Variants in RARB observed in about 807,000 individuals in gnomAD.
The protein encoded by RARB is retinoic acid receptor beta.
A neutral mutation model predicts 51.9 loss-of-function variants in RARB; 17 were observed. The ratio of observed to expected loss-of-function variants is 0.33; its 90% CI spans 0.22 to 0.49. The LOEUF is 0.49. RARB is among the 20% of genes least tolerant of loss of function. The pLI is 0.99. For missense variants in RARB, 369 were observed against 550.8 expected (o/e 0.67, Z 3.30); for synonymous variants, 215 against 195.4 (o/e 1.10, Z -0.84).
chr3:25,179,433 G>T (rs1700819661), intron 5 of RARB, among the ~76,000 whole-genome samples: 1 of 152,094 alleles, frequency 6.6e-6, no homozygotes, highest in African/African-American at 2.4e-5. Flanking sequence ...GACTCTACTG[G>T]ACAGGAATCA....
At chr3:25,031,923 A>G (rs1697884974) in intron 2 of RARB, among the ~76,000 whole-genome samples, 1 of 152,216 alleles carries the variant, frequency 6.6e-6, no homozygotes. Context: ...AAAATACATT[A>G]AGAAAGTTCA....
At chr3:24,935,842 G>A (rs1259448422) in intron 2 of RARB, among the ~76,000 whole-genome samples, 2 of 152,036 alleles carry the variant, frequency 1.3e-5, no homozygotes, top group African/African-American at 4.8e-5. Flanking sequence ...TATTTTTATT[G>A]CAGGCCTGTT....
chr3:25,287,203 T>C (rs572978054), intron 5 of RARB, among the ~76,000 whole-genome samples: 1 of 152,358 alleles, frequency 6.6e-6, no homozygotes, highest in African/African-American at 2.4e-5. Flanking sequence ...ATGGTGCTTG[T>C]CTTGAACTCT....
At chr3:25,419,006 G>T (rs187821256) in intron 5 of RARB, among the ~76,000 whole-genome samples, 1 of 150,482 alleles carries the variant, frequency 6.6e-6, no homozygotes, top group Non-Finnish European at 1.5e-5. Flanking sequence ...ACAAGAGCCC[G>T]TAGAAATGAA....
chr3:25,344,278 GT>G (rs1356786261), intron 5 of RARB, among the ~76,000 whole-genome samples: 1 of 152,026 alleles, frequency 6.6e-6, no homozygotes, highest in African/African-American at 2.4e-5. Context: ...TTGGTGCTTT[GT>G]TTTTTTAAAA....
intron 5 of RARB, among the ~76,000 whole-genome samples, chr3:25,219,280 G>A (rs1354289918): frequency 6.6e-6 from 1 of 151,228 alleles, no homozygotes; most frequent in East Asian, 1.9e-4. Context: ...AAAAAAATAT[G>A]TATCCATACA....
At chr3:25,464,430 A>G (rs1352968087) in intron 2 of RARB, among the ~76,000 whole-genome samples, 2 of 152,206 alleles carry the variant, frequency 1.3e-5, no homozygotes, top group African/African-American at 4.8e-5. Flanking sequence ...ATTATGGTGT[A>G]TCTTTTTAAC....
chr3:25,309,486 CTTTTTTTTTTTTT>C (rs149976069), intron 5 of RARB, among the ~76,000 whole-genome samples: 13 of 58,046 alleles, frequency 2.2e-4, no homozygotes, highest in African/African-American at 7.2e-4. Context: ...CTCATAGTTG[CTTTTTTTTTTTTT>C]TTTTTTTTTT....
intron 5 of RARB, among the ~76,000 whole-genome samples, chr3:25,329,276 T>C (rs745910658): frequency 1.1e-4 from 16 of 152,064 alleles, no homozygotes; most frequent in Non-Finnish European, 1.8e-4. Context: ...CACCACCCAG[T>C]AGGGGCTGAC....
intron 4 of RARB, among the ~76,000 whole-genome samples, chr3:25,156,516 CAAAAAAAAAAAAAAA>C (rs35710364): frequency 5.6e-4 from 32 of 56,836 alleles, no homozygotes; most frequent in East Asian, 3.7e-3. Flanking sequence ...GCCCCAACTG[CAAAAAAAAAAAAAAA>C]AAAAAAAAAA....
At chr3:25,494,278 CAT>C (rs1553623180) in intron 2 of RARB, among the ~76,000 whole-genome samples, 27 of 151,798 alleles carry the variant, frequency 1.8e-4, no homozygotes, top group African/African-American at 2.2e-4. Flanking sequence ...CACACACACA[CAT>C]GCCATCATTT....
At chr3:25,227,785 C>G (rs1342307872) in intron 5 of RARB, among the ~76,000 whole-genome samples, 2 of 152,112 alleles carry the variant, frequency 1.3e-5, no homozygotes, top group Non-Finnish European at 2.9e-5. Context: ...TTCATAGATT[C>G]TCTTCCCTGA....
intron 4 of RARB, among the ~76,000 whole-genome samples, chr3:25,142,194 C>T (rs567627143): frequency 6.6e-6 from 1 of 152,274 alleles, no homozygotes; most frequent in East Asian, 1.9e-4. Flanking sequence ...ATTAACCAGG[C>T]ATGGTGGCGG....
In RARB at chr3:25,254,360, C is replaced by T. The variant is rs565753838; in HGVS notation, c.178+79785C>T. Among the ~76,000 whole-genome samples the T allele has an allele frequency of 3.3e-5, 5 of 152,232 alleles. No individual in the cohort carries two copies. The East Asian group carries it at 9.7e-4, about 29-fold the overall frequency. On this transcript the variant is annotated intron_variant, in intron 5 of 11. Transcript: ENST00000383772. ...AGGTAGCTTTTCCTCTTAATTTAGTCTTGGAGTTTCTGTATTACTAATTGA... is the reference window on the plus strand; with the variant it reads ...AGGTAGCTTTTCCTCTTAATTTAGTTTTGGAGTTTCTGTATTACTAATTGA...
chr3:25,581,325 T>A (rs751289649), intron 5 of RARB, among the ~76,000 whole-genome samples: 5 of 152,214 alleles, frequency 3.3e-5, no homozygotes, highest in Admixed American at 6.5e-5. Context: ...TTCTGATGCA[T>A]CCCTGGAGGC....
At chr3:25,175,737 C>T (rs913839185) in intron 5 of RARB, among the ~76,000 whole-genome samples, 1 of 152,134 alleles carries the variant, frequency 6.6e-6, no homozygotes, top group Non-Finnish European at 1.5e-5. Context: ...TAAACAGTGA[C>T]TCGATTTGCT....
At chr3:25,557,523 G>A (rs1700109330) in intron 3 of RARB, among the ~76,000 whole-genome samples, 1 of 152,096 alleles carries the variant, frequency 6.6e-6, no homozygotes, top group Non-Finnish European at 1.5e-5. Flanking sequence ...AATTCTAAGT[G>A]GAGAAGGAGG....
chr3:25,444,763 G>T (rs902391205), intron 1 of RARB, among the ~76,000 whole-genome samples: 3 of 152,124 alleles, frequency 2.0e-5, no homozygotes, highest in Non-Finnish European at 4.4e-5. Context: ...ATAAAAGAGG[G>T]TATGTGCAAG....
rs562822403 is a variant in RARB, at chr3:25,012,323, C to G, written c.-379-47802C>G. Among the ~76,000 whole-genome samples the G allele has an allele frequency of 3.2e-4, 49 of 152,158 alleles. No homozygotes were observed. In the South Asian group the frequency reaches 9.3e-3, roughly 29 times the overall value. On this transcript the variant is annotated intron_variant, in intron 2 of 11. Transcript: ENST00000383772. ...ATTAAAAAGAAAGTGGTTCACAAAT[C>G]TAGCTGACAAGCAGAATCACCTGAG...
Sources: gnomAD v4.1 joint callset for allele counts (sites outside exome capture counted in the v4.1 genomes callset) on GRCh38, gnomAD v4.1.1 for gene constraint, MANE v1.5 for transcripts, NCBI Gene and HGNC (gene_info 2026-07-23, HGNC 2026-07-21) for gene names.